The following TRIM14 variants were observed in gnomAD, a reference collection of about 807,000 sequenced individuals.
TRIM14 encodes the protein tripartite motif containing 14.
Under a neutral mutation model 44.5 loss-of-function variants are expected in TRIM14, and 28 were observed. The observed-to-expected ratio is 0.63, with a 90% CI of 0.47 to 0.86. The LOEUF (loss-of-function observed/expected upper bound fraction) is 0.86. Ranked by LOEUF, TRIM14 falls within the 40% of genes least tolerant of loss-of-function variation. The pLI is 0.00. For missense variants in TRIM14, 607 were observed against 611.1 expected (o/e 0.99, Z 0.07); for synonymous variants, 299 against 269.2 (o/e 1.11, Z -1.08).
At chr9:98,039,716 T>C in the TRIM14 span, among the ~76,000 whole-genome samples, 1 of 152,036 alleles carries the variant, frequency 6.6e-6, no homozygotes, top group African/African-American at 2.4e-5. Context: ...GAACTGACTC[T>C]GTGCAAGAAG....
the TRIM14 span, among the ~76,000 whole-genome samples, chr9:98,036,151 C>T: frequency 9.3e-5 from 14 of 150,706 alleles, no homozygotes; most frequent in African/African-American, 3.2e-4. Context: ...GAGCAGAGAT[C>T]GTGCCATTGC....
At chr9:98,065,387 G>T (rs772477356), downstream of TRIM14, among the ~76,000 whole-genome samples, 42 of 143,444 alleles carry the variant, frequency 2.9e-4, no homozygotes, top group Non-Finnish European at 5.1e-4. Context: ...TGCAATCTCG[G>T]CTCACTGCGA....
At chr9:98,091,707 T>G (rs946467712) in intron 5 of TRIM14, among the ~76,000 whole-genome samples, 1 of 152,304 alleles carries the variant, frequency 6.6e-6, no homozygotes, top group South Asian at 2.1e-4. Flanking sequence ...TTTTCTTTCA[T>G]TTTCTAATTT....
At chr9:98,054,312 A>C in the TRIM14 span, among the ~76,000 whole-genome samples, 1 of 152,198 alleles carries the variant, frequency 6.6e-6, no homozygotes, top group Non-Finnish European at 1.5e-5. Flanking sequence ...CAAGAATTCC[A>C]AGAGTATTCC....
At chr9:98,113,705 A>G (rs1291345325) in intron 1 of TRIM14, among the ~76,000 whole-genome samples, 2 of 152,224 alleles carry the variant, frequency 1.3e-5, no homozygotes, top group African/African-American at 4.8e-5. Flanking sequence ...ATGTAGAATT[A>G]ATAAGAGACG....
intron 6 of TRIM14, chr9:98,075,198 C>T (rs546277264): frequency 6.6e-6 from 1 of 152,128 alleles, no homozygotes; most frequent in Non-Finnish European, 1.5e-5. Flanking sequence ...GCTTGTGGTC[C>T]CAGCTACTTG....
At chr9:98,062,870 G>GA in the TRIM14 span, among the ~76,000 whole-genome samples, 1 of 147,500 alleles carries the variant, frequency 6.8e-6, no homozygotes, top group East Asian at 2.0e-4. Flanking sequence ...AGCTGCATGT[G>GA]AATCTACCAT....
At chr9:98,116,206 GTGGGAGAATCACTTGAACC>G (rs1827045896) in intron 1 of TRIM14, 1 of 151,062 alleles carries the variant, frequency 6.6e-6, no homozygotes, top group Non-Finnish European at 1.5e-5. Context: ...GGAAGCTGAA[GTGGGAGAATCACTTGAACC>G]TGGGAGGTGG....
chr9:98,075,992 T>C (rs1040013950), intron 6 of TRIM14: 2 of 152,118 alleles, frequency 1.3e-5, no homozygotes, highest in Non-Finnish European at 2.9e-5. Flanking sequence ...TGTTGATGAA[T>C]ACTAGAGAAG....
the TRIM14 span, among the ~76,000 whole-genome samples, chr9:98,042,156 G>C: frequency 6.6e-6 from 1 of 151,714 alleles, no homozygotes; most frequent in African/African-American, 2.4e-5. Context: ...AGCCGGGCGT[G>C]GTGGCAGGAG....
At chr9:98,078,836 GAAAAA>G (rs11424970) in intron 6 of TRIM14, among the ~76,000 whole-genome samples, 1 of 123,026 alleles carries the variant, frequency 8.1e-6, no homozygotes, top group African/African-American at 3.1e-5. Context: ...CTCTCAGGGG[GAAAAA>G]AAAAAAAAAA....
At chr9:98,057,258 C>CGCGG in the TRIM14 span, among the ~76,000 whole-genome samples, 2 of 152,226 alleles carry the variant, frequency 1.3e-5, no homozygotes, top group South Asian at 4.1e-4. Context: ...CCCTCCTGCC[C>CGCGG]GCGGGTAGAG....
chr9:98,060,837 A>G, the TRIM14 span: 1 of 1,614,192 alleles, frequency 6.2e-7, no homozygotes, highest in East Asian at 2.2e-5. Flanking sequence ...TTCAAGTTTA[A>G]TCGGAAAGCC....
chr9:98,112,500 G>C (rs1245943948), intron 1 of TRIM14, among the ~76,000 whole-genome samples: 1 of 152,072 alleles, frequency 6.6e-6, no homozygotes, highest in African/African-American at 2.4e-5. Context: ...GATCAAATTG[G>C]TTAAAATGAG....
intron 6 of TRIM14, chr9:98,074,686 G>A (rs2117901234): frequency 6.6e-6 from 1 of 152,222 alleles, no homozygotes; most frequent in African/African-American, 2.4e-5. Context: ...AGCCTCTGTA[G>A]GTAAGCTTTC....
At position 98,085,442 on chromosome 9, in the gene TRIM14, C is replaced by A. The variant is rs569212181; in HGVS notation, c.*2028G>T. 6.6e-6 allele frequency: 1 copy of A among 152,168 alleles called. No individual in the cohort carries two copies. The highest frequency in any genetic ancestry group is 1.5e-5 in the Non-Finnish European group (1 of 68,046). 9.4% of individuals were successfully genotyped at this position (152,168 alleles called of 1,614,324 possible). ...GATGAAAGGATCAGATGAGTTTAGT[C>A]GTAAAGCATTAAAACAGTGCATTAT... On this transcript the variant is annotated 3_prime_UTR_variant, in exon 6 of 6. Transcript: ENST00000341469.
Position 98,095,094 on chromosome 9 carries a change from C to A in TRIM14, c.538-65G>T, listed in dbSNP as rs1826138716. The A allele has an allele frequency of 6.5e-7, 1 of 1,548,140 alleles. No individual in the cohort carries two copies. Among genetic ancestry groups the A allele is most frequent in the Non-Finnish European group, 8.7e-7 (1 of 1,151,666 alleles). ...GCAGGCAGCATCCCAGCCTCCTGTG[C>A]TGCACCCAGGAACAAACCCACACCA... is the stretch of plus-strand genomic sequence containing the variant. On this transcript the variant is annotated intron_variant, in intron 3 of 5. Coordinates refer to ENST00000341469, the MANE Select transcript of TRIM14 (RefSeq NM_014788.4). The surrounding 1 kb of genome is among the most constrained non-coding windows in gnomAD (Gnocchi z 4.1).
At chr9:98,058,759 C>T in the TRIM14 span, among the ~76,000 whole-genome samples, 1 of 152,176 alleles carries the variant, frequency 6.6e-6, no homozygotes, top group Admixed American at 6.5e-5. Flanking sequence ...GACCCTGTCT[C>T]TAATTCCATT....
At chr9:98,055,486 A>G in the TRIM14 span, among the ~76,000 whole-genome samples, 2 of 152,196 alleles carry the variant, frequency 1.3e-5, no homozygotes, top group African/African-American at 4.8e-5. Context: ...CAGTTTATCA[A>G]TCTGGTGGTG....
Sources: allele counts gnomAD v4.1 joint callset (sites outside exome capture counted in the v4.1 genomes callset), GRCh38; gene constraint gnomAD v4.1.1; non-coding constraint Gnocchi (gnomAD v3.1); transcripts MANE v1.5; gene names NCBI Gene and HGNC (gene_info 2026-07-23, HGNC 2026-07-21).